The following RANBP2 variants were observed in gnomAD, a reference collection of about 807,000 sequenced individuals.
The protein encoded by RANBP2 is E3 SUMO-protein ligase RanBP2.
In RANBP2, 57 loss-of-function variants were observed where a neutral mutation model predicts 303.6. The ratio of observed to expected loss-of-function variants is 0.19; its 90% CI spans 0.15 to 0.23. The LOEUF is 0.23. RANBP2 is among the 10% of genes least tolerant of loss of function. The pLI, the probability that RANBP2 is intolerant of heterozygous loss-of-function variation, is 1.00. For synonymous variants in RANBP2, 1,167 were observed against 1,301.5 expected (o/e 0.90, Z 2.23); for missense variants, 3,138 against 3,780.8 (o/e 0.83, Z 4.46).
chr2:108,793,761 T>A, the RANBP2 span, among the ~76,000 whole-genome samples: 1 of 151,808 alleles, frequency 6.6e-6, no homozygotes, highest in Non-Finnish European at 1.5e-5. Flanking sequence ...CACGCCCGGC[T>A]AATTTTTTTT....
At chr2:108,813,993 T>G in the RANBP2 span, among the ~76,000 whole-genome samples, 1 of 152,324 alleles carries the variant, frequency 6.6e-6, no homozygotes, top group South Asian at 2.1e-4. Context: ...ATTCTTCTGT[T>G]GATAGACACC....
At chr2:109,104,554 G>A in the RANBP2 span, among the ~76,000 whole-genome samples, 1 of 151,822 alleles carries the variant, frequency 6.6e-6, no homozygotes, top group Non-Finnish European at 1.5e-5. Context: ...CGCAATCTCG[G>A]CTCACTGCAA....
chr2:109,024,516 G>C, the RANBP2 span, among the ~76,000 whole-genome samples: 1 of 152,216 alleles, frequency 6.6e-6, no homozygotes, highest in African/African-American at 2.4e-5. Flanking sequence ...TTACAGCAGT[G>C]AGGGGGTTCT....
At chr2:109,316,458 T>C in the RANBP2 span, among the ~76,000 whole-genome samples, 1 of 152,222 alleles carries the variant, frequency 6.6e-6, no homozygotes, top group African/African-American at 2.4e-5. Flanking sequence ...TGATCTTCAC[T>C]ACACACAGCC....
chr2:108,816,216 C>G, the RANBP2 span: 5 of 770,930 alleles, frequency 6.5e-6, no homozygotes, highest in Non-Finnish European at 1.0e-5. Context: ...TTTGGGAGTT[C>G]GAGCTGGGCA....
chr2:109,277,838 C>A, the RANBP2 span, among the ~76,000 whole-genome samples: 2 of 152,088 alleles, frequency 1.3e-5, no homozygotes, highest in African/African-American at 4.8e-5. Context: ...AAACAGTGGC[C>A]AGGTAGACTT....
the RANBP2 span, chr2:109,585,730 G>A: frequency 1.1e-5 from 17 of 1,611,126 alleles, no homozygotes; most frequent in Middle Eastern, 3.8e-4. Flanking sequence ...CCCACACAGA[G>A]AATATTAAAG....
the RANBP2 span, among the ~76,000 whole-genome samples, chr2:109,623,376 G>C: frequency 6.6e-6 from 1 of 152,158 alleles, no homozygotes; most frequent in African/African-American, 2.4e-5. Context: ...CTCCAGAGGG[G>C]ATATCTCAGC....
At chr2:108,734,328 TAGG>T (rs536173941) in intron 4 of RANBP2, among the ~76,000 whole-genome samples, 45 of 151,996 alleles carry the variant, frequency 3.0e-4, no homozygotes, top group Admixed American at 5.2e-4. Flanking sequence ...GTTGAGGAAA[TAGG>T]AGGTGTGAAG....
chr2:109,714,024 C>T, the RANBP2 span, among the ~76,000 whole-genome samples: 6 of 152,324 alleles, frequency 3.9e-5, no homozygotes, highest in Middle Eastern at 3.4e-3. Context: ...GTAGGACTGC[C>T]CCCACTTCAG....
At chr2:109,190,977 C>G in the RANBP2 span, among the ~76,000 whole-genome samples, 1 of 151,272 alleles carries the variant, frequency 6.6e-6, no homozygotes, top group East Asian at 1.9e-4. Context: ...TTAATAGTTG[C>G]GTCAGGCGAG....
At chr2:108,739,918 G>T (rs1558886453) in intron 6 of RANBP2, among the ~76,000 whole-genome samples, 1 of 152,040 alleles carries the variant, frequency 6.6e-6, no homozygotes, top group East Asian at 1.9e-4. Flanking sequence ...AACCTGGGAG[G>T]TGGAGGTTGC....
the RANBP2 span, among the ~76,000 whole-genome samples, chr2:109,118,426 C>G: frequency 6.6e-6 from 1 of 151,774 alleles, no homozygotes. Flanking sequence ...GCCTGCAGAC[C>G]CTGACCCAAA....
downstream of RANBP2, chr2:108,786,774 G>A (rs201024181): frequency 6.6e-7 from 1 of 1,511,880 alleles, no homozygotes; most frequent in Admixed American, 2.0e-5. Context: ...TAGCGCCGCG[G>A]GTTTGATGAA....
chr2:109,102,043 C>A, the RANBP2 span, among the ~76,000 whole-genome samples: 1 of 152,020 alleles, frequency 6.6e-6, no homozygotes, highest in Non-Finnish European at 1.5e-5. Context: ...GTAGCCTGCC[C>A]CCACTCCTGC....
At chr2:109,475,207 G>A in the RANBP2 span, among the ~76,000 whole-genome samples, 1 of 152,106 alleles carries the variant, frequency 6.6e-6, no homozygotes, top group Non-Finnish European at 1.5e-5. Flanking sequence ...TTGATCTCTT[G>A]ACCTCGTGAT....
the RANBP2 span, among the ~76,000 whole-genome samples, chr2:109,101,671 CAA>C: frequency 1.0e-3 from 154 of 152,200 alleles, 1 homozygote; most frequent in African/African-American, 3.4e-3. Context: ...ATAGTGAAAA[CAA>C]GAGAAGGAAG....
At chr2:109,117,014 G>A in the RANBP2 span, among the ~76,000 whole-genome samples, 131 of 152,230 alleles carry the variant, frequency 8.6e-4, no homozygotes, top group Non-Finnish European at 4.7e-4. Flanking sequence ...AGGAGTACCC[G>A]GCCGTGTGAG....
the RANBP2 span, among the ~76,000 whole-genome samples, chr2:109,094,588 G>A: frequency 6.6e-6 from 1 of 152,206 alleles, no homozygotes; most frequent in African/African-American, 2.4e-5. Context: ...TCAGCACTTT[G>A]GGAGGCTGAA....
Sources: gnomAD v4.1 joint callset for allele counts (sites outside exome capture counted in the v4.1 genomes callset) on GRCh38, gnomAD v4.1.1 for gene constraint, MANE v1.5 for transcripts, NCBI Gene and HGNC (gene_info 2026-07-23, HGNC 2026-07-21) for gene names.